AFF1: variants seen among roughly 807,000 people sequenced by gnomAD.
AFF1 encodes AF4/FMR2 family member 1.
In AFF1, 48 loss-of-function variants were observed where a neutral mutation model predicts 121.7. The observed-to-expected ratio is 0.39, with a 90% confidence interval of 0.31 to 0.50. The LOEUF is 0.50. Ranked by LOEUF, AFF1 falls within the 20% of genes least tolerant of loss-of-function variation. The pLI, the probability that AFF1 is intolerant of heterozygous loss-of-function variation, is 0.76. For synonymous variants in AFF1, 613 were observed against 563.0 expected (o/e 1.09, Z -1.26); for missense variants, 1,523 against 1,511.7 (o/e 1.01, Z -0.12).
At chr4:87,007,155 C>G in intron 2 of AFF1, 1 of 1,320,202 alleles carries the variant, frequency 7.6e-7, no homozygotes, top group Non-Finnish European at 9.6e-7. Flanking sequence ...CCGGGCTCGT[C>G]TGAAGTGCAG....
chr4:87,037,373 G>A (rs1051087289), intron 2 of AFF1, among the ~76,000 whole-genome samples: 10 of 152,072 alleles, frequency 6.6e-5, no homozygotes, highest in Admixed American at 3.3e-4. Context: ...GTGCAGTGGC[G>A]CGTTCTCAGC....
chr4:87,010,518 TGG>T (rs1340381136), intron 2 of AFF1, among the ~76,000 whole-genome samples: 13 of 152,216 alleles, frequency 8.5e-5, no homozygotes, highest in Non-Finnish European at 1.5e-4. Flanking sequence ...TTACAGAACA[TGG>T]CTTTAGTTAC....
chr4:87,109,281 C>T (rs950692136), intron 11 of AFF1, among the ~76,000 whole-genome samples: 1 of 152,188 alleles, frequency 6.6e-6, no homozygotes, highest in African/African-American at 2.4e-5. Context: ...CTGAATACAT[C>T]TGGAGCTAAT....
chr4:86,957,476 C>T (rs1172322225), intron 2 of AFF1, among the ~76,000 whole-genome samples: 2 of 152,170 alleles, frequency 1.3e-5, no homozygotes, highest in Non-Finnish European at 2.9e-5. Context: ...GAGAGACCTT[C>T]ATAGCTGAGT....
intron 5 of AFF1, among the ~76,000 whole-genome samples, chr4:87,088,475 T>C (rs1723956763): frequency 6.6e-6 from 1 of 152,204 alleles, no homozygotes; most frequent in African/African-American, 2.4e-5. Context: ...AAGGATCAAA[T>C]GGCATTTTTG....
At chr4:87,006,951 A>G (rs1726194578) in intron 2 of AFF1, 1 of 1,027,958 alleles carries the variant, frequency 9.7e-7, no homozygotes, top group Non-Finnish European at 1.2e-6. Context: ...GACAGGGGGT[A>G]TCCCGGCGGA....
At chr4:87,094,436 C>G (rs927637182) in intron 7 of AFF1, among the ~76,000 whole-genome samples, 3 of 152,140 alleles carry the variant, frequency 2.0e-5, no homozygotes, top group African/African-American at 7.2e-5. Context: ...ATGAGGTAGT[C>G]TATAAATAGC....
chr4:87,021,113 G>T (rs890842728), intron 2 of AFF1, among the ~76,000 whole-genome samples: 1 of 152,054 alleles, frequency 6.6e-6, no homozygotes, highest in Non-Finnish European at 1.5e-5. Context: ...CCCTTCTGAG[G>T]TGCACTCTCA....
At chr4:86,955,241 C>T (rs567356145) in intron 2 of AFF1, among the ~76,000 whole-genome samples, 1 of 152,286 alleles carries the variant, frequency 6.6e-6, no homozygotes, top group Non-Finnish European at 1.5e-5. Context: ...AAAATCGTGT[C>T]TAGGATTTTA....
chr4:87,077,257 G>C (rs1439974093), intron 4 of AFF1, among the ~76,000 whole-genome samples: 1 of 151,750 alleles, frequency 6.6e-6, no homozygotes, highest in Non-Finnish European at 1.5e-5. Flanking sequence ...GGCAACTCGA[G>C]TTCCATTAGG....
chr4:86,984,052 G>T (rs1560517539), intron 2 of AFF1, among the ~76,000 whole-genome samples: 1 of 151,920 alleles, frequency 6.6e-6, no homozygotes, highest in Non-Finnish European at 1.5e-5. Context: ...AAAAGAAAAA[G>T]AAAAAAGAAA....
At chr4:87,077,961 AT>A (rs957063900) in intron 4 of AFF1, among the ~76,000 whole-genome samples, 5 of 151,982 alleles carry the variant, frequency 3.3e-5, no homozygotes, top group African/African-American at 1.2e-4. Flanking sequence ...CTTTGTACAT[AT>A]TTTTTTTGTA....
intron 2 of AFF1, among the ~76,000 whole-genome samples, chr4:86,981,328 T>A (rs1179309795): frequency 6.6e-6 from 1 of 152,156 alleles, no homozygotes. Context: ...CCTTGCTTTG[T>A]ATAGTTCTGA....
At chr4:86,965,832 C>T (rs998926311) in intron 2 of AFF1, among the ~76,000 whole-genome samples, 2 of 152,192 alleles carry the variant, frequency 1.3e-5, no homozygotes, top group African/African-American at 2.4e-5. Context: ...CTCACATGAC[C>T]TTCTCATACT....
In AFF1 at chr4:86,980,935, G is replaced by C. The variant is rs181230140; in HGVS notation, c.38+32364G>C. On this transcript the variant is annotated intron_variant, in intron 2 of 20. Coordinates refer to ENST00000395146, the MANE Select transcript of AFF1 (RefSeq NM_001166693.3). ...CACGCCTATAATCCCAGCACTTTGC[G>C]AGGCTTGAGGCACCCCCCCCCTCCA... is the stretch of plus-strand genomic sequence containing the variant. Among the ~76,000 whole-genome samples, 17 of 145,452 alleles carry C rather than the reference G, an allele frequency of 1.2e-4. No individual in the cohort carries two copies. In the South Asian group the frequency reaches 3.5e-3, roughly 30 times the overall value.
chr4:86,940,125 G>T (rs958206172), intron 1 of AFF1, among the ~76,000 whole-genome samples: 2 of 152,142 alleles, frequency 1.3e-5, no homozygotes, highest in Non-Finnish European at 2.9e-5. Flanking sequence ...TTTGAGACTA[G>T]CCTGGGCAAC....
At chr4:87,102,720 T>C (rs62306533) in intron 8 of AFF1, among the ~76,000 whole-genome samples, 1 of 152,318 alleles carries the variant, frequency 6.6e-6, no homozygotes, top group Non-Finnish European at 1.5e-5. Flanking sequence ...AAAAAAAATT[T>C]ATAGGTGAGA....
intron 13 of AFF1, among the ~76,000 whole-genome samples, 170 bp from the exon 14 acceptor site, chr4:87,125,929 G>T (rs548532883): frequency 6.6e-6 from 1 of 152,232 alleles, no homozygotes; most frequent in African/African-American, 2.4e-5. Context: ...AATGGGTAGG[G>T]CTAGATTTTT....
intron 4 of AFF1, among the ~76,000 whole-genome samples, chr4:87,078,766 A>G (rs748478300): frequency 1.3e-5 from 2 of 152,186 alleles, no homozygotes; most frequent in Non-Finnish European, 2.9e-5. Context: ...TTGAAGAAAA[A>G]TAGCTTGGAC....
Sources: allele counts gnomAD v4.1 joint callset (sites outside exome capture counted in the v4.1 genomes callset), GRCh38; gene constraint gnomAD v4.1.1; transcripts MANE v1.5; gene names NCBI Gene and HGNC (gene_info 2026-07-23, HGNC 2026-07-21).